Variants in PDE3B observed in about 807,000 individuals in gnomAD.
The protein encoded by PDE3B is phosphodiesterase 3B.
In PDE3B, 66 loss-of-function variants were observed where a neutral mutation model predicts 116.8. That is an observed-to-expected ratio of 0.56 (90% CI 0.46 to 0.69). PDE3B has a LOEUF of 0.69. Ranked by LOEUF, PDE3B falls within the 30% of genes least tolerant of loss-of-function variation. The pLI is 0.00. For synonymous variants in PDE3B, 595 were observed against 533.6 expected, an observed-to-expected ratio of 1.12 and a Z score of -1.59; for missense variants, 1,384 against 1,368.1, an observed-to-expected ratio of 1.01 and a Z score of -0.18.
chr11:14,897,561 T>G, the PDE3B span, among the ~76,000 whole-genome samples: 1 of 152,198 alleles, frequency 6.6e-6, no homozygotes, highest in African/African-American at 2.4e-5. Flanking sequence ...TCTTGGGTCA[T>G]CACACTCAGA....
At chr11:14,668,894 G>A (rs1198474412) in intron 1 of PDE3B, among the ~76,000 whole-genome samples, 2 of 152,172 alleles carry the variant, frequency 1.3e-5, no homozygotes, top group African/African-American at 4.8e-5. Flanking sequence ...GTCTCGGACT[G>A]AGATCACACA....
At chr11:14,678,596 G>A (rs1854601463) in intron 1 of PDE3B, among the ~76,000 whole-genome samples, 1 of 152,074 alleles carries the variant, frequency 6.6e-6, no homozygotes. Context: ...TAATGATTTT[G>A]AGCATCTGTT....
chr11:14,699,347 A>T (rs2133815680), intron 1 of PDE3B: 1 of 152,012 alleles, frequency 6.6e-6, no homozygotes, highest in East Asian at 1.9e-4. Context: ...TACAAGGGAA[A>T]TATAAGGTGA....
intron 1 of PDE3B, among the ~76,000 whole-genome samples, chr11:14,738,676 C>T (rs959314797): frequency 6.6e-6 from 1 of 152,152 alleles, no homozygotes; most frequent in Non-Finnish European, 1.5e-5. Context: ...AGTCTTTGCC[C>T]ATGCCTATGT....
At position 14,644,831 on chromosome 11, in the gene PDE3B, G is replaced by A; in HGVS notation, c.756G>A (p.Val252=). 9 of 1,611,820 alleles carry A rather than the reference G, an allele frequency of 5.6e-6. No homozygotes were observed. Among genetic ancestry groups the A allele is most frequent in the Non-Finnish European group, 7.6e-6 (9 of 1,178,858 alleles). Residue 252 remains valine, a synonymous_variant, in exon 1 of 16, where the codon GTG becomes GTA. Coordinates refer to ENST00000282096, the MANE Select transcript of PDE3B (RefSeq NM_000922.4). ...TCAGGCCGCTGCTCTCCGGCCTGGT[G>A]GGGGGCGCTGGCTGCCTGCTGGCCC... ...SALRPLLSGL[V]GGAGCLLALG...
At chr11:14,835,444 A>AT (rs1860024612) in intron 11 of PDE3B, among the ~76,000 whole-genome samples, 2 of 148,066 alleles carry the variant, frequency 1.4e-5, no homozygotes, top group Non-Finnish European at 3.0e-5. Context: ...TTTTAAAAAA[A>AT]ATTTTTTTTT....
intron 1 of PDE3B, among the ~76,000 whole-genome samples, chr11:14,688,110 TCTTTC>T (rs1854930878): frequency 9.7e-5 from 13 of 134,100 alleles, no homozygotes; most frequent in Admixed American, 6.8e-4. Flanking sequence ...TCTCTCTCTC[TCTTTC>T]TCTCTCTCTC....
At position 14,644,273 on chromosome 11, in the gene PDE3B, C is replaced by T. The variant is rs1264162665; in HGVS notation, c.198C>T (p.Pro66=). The T allele has an allele frequency of 7.7e-6, 12 of 1,566,638 alleles. No individual in the cohort carries two copies. Among genetic ancestry groups the T allele is most frequent in the Non-Finnish European group, 1.0e-5 (12 of 1,163,262 alleles). ...AGCTGCGGCCGCCGCCGGCCTCTCC[C>T]CAGCAGCCGCGGCGCTGCTCCCCCT... The part of the protein sequence containing the change: ...NVELRPPPAS[P]QQPRRCSPFC... The change falls in exon 1 of 16, where the codon CCC becomes CCT. Residue 66 remains proline, a synonymous_variant. Coordinates refer to ENST00000282096, the MANE Select transcript of PDE3B (RefSeq NM_000922.4).
At chr11:14,741,997 A>C (rs556904599) in intron 1 of PDE3B, among the ~76,000 whole-genome samples, 1 of 151,960 alleles carries the variant, frequency 6.6e-6, no homozygotes, top group South Asian at 2.1e-4. Flanking sequence ...GAGTAACCCA[A>C]CCTTTCTCTC....
At chr11:14,731,428 T>A (rs1856456489) in intron 1 of PDE3B, among the ~76,000 whole-genome samples, 1 of 151,874 alleles carries the variant, frequency 6.6e-6, no homozygotes, top group Non-Finnish European at 1.5e-5. Context: ...CCGGCTACTT[T>A]TTTGTATTTT....
At chr11:14,846,007 C>T (rs1251327553) in intron 12 of PDE3B, among the ~76,000 whole-genome samples, 3 of 151,984 alleles carry the variant, frequency 2.0e-5, no homozygotes, top group Admixed American at 6.6e-5. Flanking sequence ...AGATACTCCT[C>T]GAGAAGAGCA....
chr11:14,652,598 G>A (rs752189722), intron 1 of PDE3B, among the ~76,000 whole-genome samples: 11 of 152,066 alleles, frequency 7.2e-5, no homozygotes, highest in Non-Finnish European at 1.6e-4. Flanking sequence ...ACAGTTCAGT[G>A]GTGTTAAGTA....
chr11:14,717,778 C>T (rs1187837086), intron 1 of PDE3B, among the ~76,000 whole-genome samples: 1 of 137,418 alleles, frequency 7.3e-6, no homozygotes, highest in Admixed American at 7.4e-5. Context: ...AAGCGCTAAA[C>T]ATGGAAAGGA....
chr11:14,812,972 C>T (rs1199497950), intron 5 of PDE3B, among the ~76,000 whole-genome samples: 10 of 152,138 alleles, frequency 6.6e-5, no homozygotes, highest in African/African-American at 2.4e-4. Flanking sequence ...CCTCAAAGAG[C>T]TCTCTAATCC....
At chr11:14,879,601 T>G in the PDE3B span, among the ~76,000 whole-genome samples, 1 of 152,002 alleles carries the variant, frequency 6.6e-6, no homozygotes, top group African/African-American at 2.4e-5. Flanking sequence ...TCTATTGAAA[T>G]ATATGCTATA....
chr11:14,831,653 T>C lies in PDE3B; in HGVS notation c.1970T>C (p.Val657Ala). 2 of 1,580,560 alleles carry C rather than the reference T, an allele frequency of 1.3e-6. No homozygotes were observed. The highest frequency in any genetic ancestry group is 1.2e-5 in the South Asian group (1 of 85,574). ...CTGTATGTACAGATTGAACAGGAAG[T>C]ATCACTGGACCTGATTTTAGTAGAA... is the stretch of plus-strand genomic sequence containing the variant. The part of the protein sequence containing the change: ...SEQQTNIEQE[V>A]SLDLILVEEY... The change falls in exon 9 of 16, where the codon GTA (valine) becomes GCA (alanine). Residue 657 changes from valine (V) to alanine (A), a missense_variant. This residue lies in a region of PDE3B where 428 missense variants were observed against 561.4 expected (regional missense o/e 0.76). Transcript: ENST00000282096.
chr11:14,715,825 G>A (rs1009789183), intron 1 of PDE3B, among the ~76,000 whole-genome samples: 13 of 152,078 alleles, frequency 8.5e-5, no homozygotes, highest in African/African-American at 1.7e-4. Context: ...AGGGCATTGC[G>A]ACACTATTAA....
chr11:14,882,823 A>C, the PDE3B span, among the ~76,000 whole-genome samples: 1 of 152,236 alleles, frequency 6.6e-6, no homozygotes, highest in Non-Finnish European at 1.5e-5. Flanking sequence ...CTGATAAGCA[A>C]CTTCAGCAAA....
intron 5 of PDE3B, among the ~76,000 whole-genome samples, chr11:14,813,550 G>C (rs1859220268): frequency 1.3e-5 from 2 of 152,122 alleles, no homozygotes; most frequent in South Asian, 2.1e-4. Flanking sequence ...ATTACATTGA[G>C]CACAACTACA....
Sources: allele counts gnomAD v4.1 joint callset (sites outside exome capture counted in the v4.1 genomes callset), GRCh38; gene constraint gnomAD v4.1.1; regional missense constraint gnomAD v4.1.1; transcripts MANE v1.5; gene names NCBI Gene and HGNC (gene_info 2026-07-23, HGNC 2026-07-21).